Variants in PCDH15 observed in about 807,000 individuals in gnomAD.
PCDH15 encodes the protein protocadherin-15.
In PCDH15, 129 loss-of-function variants were observed where a neutral mutation model predicts 178.5. The observed-to-expected ratio is 0.72, with a 90% CI of 0.63 to 0.84. PCDH15 has a LOEUF of 0.84. Ranked by LOEUF, PCDH15 falls within the 40% of genes least tolerant of loss-of-function variation. The pLI, the probability that PCDH15 is intolerant of heterozygous loss-of-function variation, is 0.00. For missense variants in PCDH15, 2,230 were observed against 2,099.9 expected, an observed-to-expected ratio of 1.06 and a Z score of -1.21; for synonymous variants, 800 against 732.0, an observed-to-expected ratio of 1.09 and a Z score of -1.50.
At chr10:55,209,864 C>T (rs1055423008) in intron 1 of PCDH15, among the ~76,000 whole-genome samples, 1 of 151,988 alleles carries the variant, frequency 6.6e-6, no homozygotes, top group Non-Finnish European at 1.5e-5. Context: ...ATGTGTGATT[C>T]ATGCATATGT....
chr10:55,320,228 G>T (rs879561676), upstream of PCDH15, among the ~76,000 whole-genome samples: 4 of 152,090 alleles, frequency 2.6e-5, no homozygotes, highest in Non-Finnish European at 5.9e-5. Context: ...TGCCACTGTT[G>T]CTGGTATGAG....
intron 1 of PCDH15, among the ~76,000 whole-genome samples, chr10:55,303,428 T>C (rs545021086): frequency 1.6e-3 from 249 of 152,296 alleles, no homozygotes; most frequent in African/African-American, 5.7e-3. Flanking sequence ...ATGCTCTTCC[T>C]TATTTCCATT....
At chr10:54,028,362 T>C (rs1387479421) in intron 18 of PCDH15, among the ~76,000 whole-genome samples, 4 of 148,522 alleles carry the variant, frequency 2.7e-5, no homozygotes, top group East Asian at 2.0e-4. Flanking sequence ...AGTTCAACCA[T>C]TGTGGAAGTC....
chr10:55,194,207 GTCTT>G (rs886140322), intron 1 of PCDH15, among the ~76,000 whole-genome samples: 8 of 151,932 alleles, frequency 5.3e-5, no homozygotes, highest in African/African-American at 1.9e-4. Context: ...GTGATTCATT[GTCTT>G]TCTTTCTTTC....
At chr10:54,901,542 A>G (rs1954640205) in intron 2 of PCDH15, among the ~76,000 whole-genome samples, 1 of 152,172 alleles carries the variant, frequency 6.6e-6, no homozygotes, top group Non-Finnish European at 1.5e-5. Flanking sequence ...ACTGACATAC[A>G]CACATATATT....
intron 1 of PCDH15, among the ~76,000 whole-genome samples, chr10:55,249,373 T>C (rs905639510): frequency 2.0e-5 from 3 of 152,174 alleles, no homozygotes; most frequent in African/African-American, 7.2e-5. Context: ...GTAAAAGCAC[T>C]AGTTATAGAC....
At chr10:53,834,756 T>A (rs1020408072) in intron 29 of PCDH15, among the ~76,000 whole-genome samples, 1 of 152,206 alleles carries the variant, frequency 6.6e-6, no homozygotes, top group Non-Finnish European at 1.5e-5. Context: ...TGGGGCCTAA[T>A]GTTGTGTTAT....
chr10:54,408,193 CTT>C (rs1426206535), intron 3 of PCDH15, among the ~76,000 whole-genome samples: 6 of 150,720 alleles, frequency 4.0e-5, no homozygotes, highest in African/African-American at 1.5e-4. Context: ...TGCATGCTTG[CTT>C]TCTCTCTATA....
intron 1 of PCDH15, among the ~76,000 whole-genome samples, chr10:54,684,088 G>A (rs143843781): frequency 0.013 from 1,948 of 151,988 alleles, 44 homozygotes; most frequent in African/African-American, 0.045. Context: ...TAATAAAATA[G>A]CGATATTTTT....
intron 1 of PCDH15, among the ~76,000 whole-genome samples, chr10:55,268,064 ACT>A (rs1158931959): frequency 6.6e-6 from 1 of 152,110 alleles, no homozygotes; most frequent in Non-Finnish European, 1.5e-5. Flanking sequence ...CATTGTTATA[ACT>A]CTCCCTCAAA....
chr10:54,065,439 A>G (rs2094118342), intron 18 of PCDH15, among the ~76,000 whole-genome samples: 1 of 152,162 alleles, frequency 6.6e-6, no homozygotes, highest in African/African-American at 2.4e-5. Context: ...ATACATGAAT[A>G]TTTTGTGTCC....
At chr10:55,250,431 G>C (rs1265869225) in intron 1 of PCDH15, among the ~76,000 whole-genome samples, 2 of 149,420 alleles carry the variant, frequency 1.3e-5, no homozygotes, top group African/African-American at 4.9e-5. Context: ...ACAGGTATGA[G>C]ACACTGCACC....
chr10:54,890,561 G>C (rs1340520467), intron 3 of PCDH15, among the ~76,000 whole-genome samples: 1 of 151,898 alleles, frequency 6.6e-6, no homozygotes, highest in Non-Finnish European at 1.5e-5. Flanking sequence ...AGGCTTTGAG[G>C]TCCCATGTGC....
intron 3 of PCDH15, among the ~76,000 whole-genome samples, chr10:54,467,426 C>T (rs1165341791): frequency 2.0e-5 from 3 of 151,704 alleles, no homozygotes; most frequent in Non-Finnish European, 4.4e-5. Flanking sequence ...TTGTCCTTCA[C>T]CCTCTTTATG....
intron 3 of PCDH15, among the ~76,000 whole-genome samples, chr10:54,440,779 C>A (rs2075749970): frequency 6.6e-6 from 1 of 151,832 alleles, no homozygotes; most frequent in Admixed American, 6.6e-5. Flanking sequence ...AAGGCCTAGT[C>A]TAATATTACT....
intron 8 of PCDH15, among the ~76,000 whole-genome samples, chr10:54,267,319 T>C (rs925389899): frequency 4.0e-5 from 6 of 151,850 alleles, no homozygotes; most frequent in Non-Finnish European, 7.4e-5. Context: ...GTCTACATTA[T>C]ACTAAATAGG....
intron 3 of PCDH15, among the ~76,000 whole-genome samples, chr10:54,404,457 G>A (rs1952357448): frequency 6.6e-6 from 1 of 152,050 alleles, no homozygotes; most frequent in African/African-American, 2.4e-5. Flanking sequence ...AGGGAGAACT[G>A]ACAAGCCATA....
intron 2 of PCDH15, among the ~76,000 whole-genome samples, chr10:55,623,804 G>A (rs542643361): frequency 7.1e-4 from 107 of 151,342 alleles, no homozygotes; most frequent in African/African-American, 2.5e-3. Flanking sequence ...ATATCCATTG[G>A]CTTGAAGAAA....
intron 2 of PCDH15, among the ~76,000 whole-genome samples, chr10:55,609,492 TG>T (rs1421441747): frequency 1.3e-5 from 2 of 152,164 alleles, no homozygotes; most frequent in Non-Finnish European, 2.9e-5. Flanking sequence ...TTAGGTATTA[TG>T]AAAAATTGTG....
Sources: gnomAD v4.1 joint callset for allele counts (sites outside exome capture counted in the v4.1 genomes callset) on GRCh38, gnomAD v4.1.1 for gene constraint, MANE v1.5 for transcripts, NCBI Gene and HGNC (gene_info 2026-07-23, HGNC 2026-07-21) for gene names.